The following PIK3C2A variants were observed in gnomAD, a reference collection of about 807,000 sequenced individuals.
PIK3C2A encodes the protein phosphatidylinositol 4-phosphate 3-kinase C2 domain-containing subunit alpha.
Under a neutral mutation model 204.5 loss-of-function variants are expected in PIK3C2A, and 97 were observed. The observed-to-expected ratio is 0.47, with a 90% CI of 0.40 to 0.56. The LOEUF is 0.56. PIK3C2A is among the 20% of genes least tolerant of loss of function. The pLI is 0.00. For synonymous variants in PIK3C2A, 653 were observed against 664.4 expected, an observed-to-expected ratio of 0.98 and a Z score of 0.26; for missense variants, 1,735 against 1,969.2, an observed-to-expected ratio of 0.88 and a Z score of 2.25.
intron 6 of PIK3C2A, among the ~76,000 whole-genome samples, chr11:17,146,699 T>C (rs937521025): frequency 6.6e-6 from 1 of 150,964 alleles, no homozygotes; most frequent in Admixed American, 6.7e-5. Flanking sequence ...CCAGCCTGGA[T>C]GACAGAGGGA....
intron 21 of PIK3C2A, among the ~76,000 whole-genome samples, chr11:17,111,353 T>C (rs1565247959): frequency 6.6e-6 from 1 of 152,204 alleles, no homozygotes; most frequent in African/African-American, 2.4e-5. Flanking sequence ...GTACACAGGA[T>C]TCCTCTGTAC....
intron 1 of PIK3C2A, among the ~76,000 whole-genome samples, chr11:17,201,729 C>T (rs191213155): frequency 6.6e-6 from 1 of 152,196 alleles, no homozygotes; most frequent in East Asian, 1.9e-4. Flanking sequence ...GTCTAATTAA[C>T]TCTTATCTAT....
chr11:17,191,817 T>A (rs189049566), intron 1 of PIK3C2A, among the ~76,000 whole-genome samples: 19 of 152,248 alleles, frequency 1.2e-4, no homozygotes, highest in African/African-American at 4.6e-4. Flanking sequence ...TTTAGGTTCA[T>A]TTAATGATGA....
chr11:17,168,898 C>G lies in PIK3C2A; in HGVS notation c.844G>C (p.Asp282His). 6.2e-7 allele frequency: 1 copy of G among 1,614,108 alleles called. No homozygotes were observed. The change falls in exon 2 of 33, where the codon GAT (aspartate) becomes CAT (histidine). Residue 282 changes from aspartate to histidine, a missense_variant. Physicochemically the swap from Asp to His is moderately conservative, Grantham distance 81. Around this residue, in one of 6 missense-constraint regions of PIK3C2A, gnomAD observed 536 missense variants for 546.7 expected, o/e 0.98. Transcript: ENST00000691414. ...TCATGGTCTAATACCTCCACATTAT[C>G]CACCTTAGGCTTACTTAGAGGATCC... ...DLDPLSKPKV[D>H]NVEVLDHEEE...
chr11:17,151,814 T>C (rs1850435163), intron 3 of PIK3C2A, among the ~76,000 whole-genome samples: 1 of 152,188 alleles, frequency 6.6e-6, no homozygotes, highest in African/African-American at 2.4e-5. Context: ...ATCTGGTTTT[T>C]GCACTGAAAT....
chr11:17,174,909 AT>A (rs1438474913), intron 1 of PIK3C2A, among the ~76,000 whole-genome samples: 1 of 152,138 alleles, frequency 6.6e-6, no homozygotes, highest in African/African-American at 2.4e-5. Flanking sequence ...TCAAAAAAAA[AT>A]AAAATAAAAT....
intron 2 of PIK3C2A, among the ~76,000 whole-genome samples, chr11:17,158,834 T>C (rs925149293): frequency 6.6e-6 from 1 of 152,202 alleles, no homozygotes; most frequent in African/African-American, 2.4e-5. Context: ...GTGTCTCTCG[T>C]GAATTAGGTC....
At chr11:17,141,595 G>A (rs184320981) in intron 8 of PIK3C2A, among the ~76,000 whole-genome samples, 1 of 152,038 alleles carries the variant, frequency 6.6e-6, no homozygotes, top group Non-Finnish European at 1.5e-5. Flanking sequence ...ATTAACACTG[G>A]TATATTGCTA....
chr11:17,191,893 G>C (rs991200740), intron 1 of PIK3C2A, among the ~76,000 whole-genome samples: 4 of 151,968 alleles, frequency 2.6e-5, no homozygotes, highest in South Asian at 2.1e-4. Context: ...AACACTTTGG[G>C]ACGTCAAGGT....
At chr11:17,157,901 T>C (rs893795953) in intron 2 of PIK3C2A, among the ~76,000 whole-genome samples, 3 of 152,208 alleles carry the variant, frequency 2.0e-5, no homozygotes, top group East Asian at 1.9e-4. Flanking sequence ...CACAATCTAA[T>C]CCAATCTTAT....
rs758441334 is a variant in PIK3C2A at position 17,097,254 on chromosome 11, A to C, written c.4129T>G (p.Ser1377Ala). The change falls in exon 27 of 33, where the codon TCA (serine) becomes GCA (alanine). Residue 1377 changes from serine (S) to alanine (A), a missense_variant. By Grantham distance (99) the Ser-to-Ala change is moderately conservative. Coordinates refer to ENST00000691414, the MANE Select transcript of PIK3C2A (RefSeq NM_002645.4). ...ATIFFTRLIE[S>A]SLGSIATKFN... Reference sequence around the variant, plus strand: ...TTTGTGGCAATGCTTCCCAAACTTGATTCAATAAGCCTACAAAATAATCAG... The same window carrying C: ...TTTGTGGCAATGCTTCCCAAACTTGCTTCAATAAGCCTACAAAATAATCAG... 1 of 1,607,776 alleles carries C rather than the reference A, an allele frequency of 6.2e-7. No homozygotes were observed. Among genetic ancestry groups the C allele is most frequent in the Admixed American group, 1.7e-5 (1 of 59,956 alleles).
intron 1 of PIK3C2A, among the ~76,000 whole-genome samples, chr11:17,201,044 A>G (rs1852355340): frequency 6.6e-6 from 1 of 151,990 alleles, no homozygotes; most frequent in Non-Finnish European, 1.5e-5. Context: ...CGTCTCTACT[A>G]AAAACCCAAA....
chr11:17,140,512 A>G (rs982182709), intron 8 of PIK3C2A, among the ~76,000 whole-genome samples: 2 of 152,094 alleles, frequency 1.3e-5, no homozygotes, highest in African/African-American at 4.8e-5. Context: ...AACATGGATG[A>G]ACCTCAAAAA....
chr11:17,091,859 G>T, intron 30 of PIK3C2A, 137 bp downstream of exon 30: 1 of 709,492 alleles, frequency 1.4e-6, no homozygotes, highest in Admixed American at 2.5e-5. Flanking sequence ...TTCAGAAATA[G>T]ACTGGCTTAG....
intron 2 of PIK3C2A, 33 bp from the exon 3 acceptor site, chr11:17,155,662 T>C (rs564750804): frequency 7.7e-7 from 1 of 1,292,158 alleles, no homozygotes; most frequent in African/African-American, 1.5e-5. Flanking sequence ...ATTTTAAAAG[T>C]GGAAGATCCA....
At chr11:17,125,342 G>A (rs7125829) in intron 13 of PIK3C2A, among the ~76,000 whole-genome samples, 3,353 of 152,112 alleles carry the variant, frequency 0.022, 121 homozygotes, top group African/African-American at 0.077. Flanking sequence ...TAGGGATGCC[G>A]CTAAACATCC....
chr11:17,194,269 T>C, intron 1 of PIK3C2A: 1 of 319,406 alleles, frequency 3.1e-6, no homozygotes, highest in Non-Finnish European at 5.9e-6. Context: ...CAGCTCAGGT[T>C]CGCAAAGGTG....
At chr11:17,130,960 G>A (rs972772804) in intron 12 of PIK3C2A, among the ~76,000 whole-genome samples, 3 of 152,006 alleles carry the variant, frequency 2.0e-5, no homozygotes, top group African/African-American at 4.8e-5. Flanking sequence ...GCCGAGGTGG[G>A]CGGATCACCT....
At chr11:17,091,132 G>C (rs549179248) in intron 32 of PIK3C2A, among the ~76,000 whole-genome samples, 2 of 152,172 alleles carry the variant, frequency 1.3e-5, no homozygotes, top group African/African-American at 4.8e-5. Flanking sequence ...GGGATGGGAT[G>C]GTGGGAGGGA....
Sources: allele counts gnomAD v4.1 joint callset (sites outside exome capture counted in the v4.1 genomes callset), GRCh38; gene constraint gnomAD v4.1.1; regional missense constraint gnomAD v4.1.1; transcripts MANE v1.5; gene names NCBI Gene and HGNC (gene_info 2026-07-23, HGNC 2026-07-21).